Variants in ACTB observed in about 807,000 individuals in gnomAD.
The protein encoded by ACTB is actin, cytoplasmic 1.
Under a neutral mutation model 30.5 loss-of-function variants are expected in ACTB, and 2 were observed. That is an observed-to-expected ratio of 0.07 (90% CI 0.03 to 0.21). The LOEUF (loss-of-function observed/expected upper bound fraction) is 0.21. Ranked by LOEUF, ACTB falls within the 10% of genes least tolerant of loss-of-function variation. ACTB has a pLI of 1.00. For missense variants in ACTB, 56 were observed against 530.0 expected, an observed-to-expected ratio of 0.11 and a Z score of 8.78; for synonymous variants, 335 against 217.6, an observed-to-expected ratio of 1.54 and a Z score of -4.75.
chr7:5,530,168 C>T (rs1784860336), intron 1 of ACTB, among the ~76,000 whole-genome samples: 1 of 152,052 alleles, frequency 6.6e-6, no homozygotes, highest in Non-Finnish European at 1.5e-5. Context: ...GACCAGCGCG[C>T]ACGCGCAATG....
intron 1 of ACTB, 174 bp from the exon 2 acceptor site, chr7:5,529,837 C>G (rs1784848089): frequency 8.1e-6 from 9 of 1,108,716 alleles, no homozygotes; most frequent in African/African-American, 1.6e-5. Context: ...GGAGGCGTCC[C>G]CGCGGCGCGC....
At position 5,528,471 on chromosome 7, in the gene ACTB, G is replaced by C. The variant is rs748912095; in HGVS notation, c.612C>G (p.Ala204=). 2.5e-6 allele frequency: 4 copies of C among 1,614,086 alleles called. No individual in the cohort carries two copies. Among genetic ancestry groups the C allele is most frequent in the Non-Finnish European group, 3.4e-6 (4 of 1,180,050 alleles). Reference sequence around the variant, plus strand: ...TAATGTCACGCACGATTTCCCGCTCGGCCGTGGTGGTGAAGCTGTAGCCGC... The same window carrying C: ...TAATGTCACGCACGATTTCCCGCTCCGCCGTGGTGGTGAAGCTGTAGCCGC... ...TERGYSFTTT[A]EREIVRDIKE... The change falls in exon 4 of 6, where the codon GCC becomes GCG. Residue 204 remains alanine, a synonymous_variant. Coordinates refer to ENST00000646664, the MANE Select transcript of ACTB (RefSeq NM_001101.5).
rs1784813587 is a variant in ACTB at position 5,528,519 on chromosome 7, G to A, written c.564C>T (p.Tyr188=). Reference sequence around the variant, plus strand: ...CGCGCTCGGTGAGGATCTTCATGAGGTAGTCAGTCAGGTCCCGGCCAGCCA... The same window carrying A: ...CGCGCTCGGTGAGGATCTTCATGAGATAGTCAGTCAGGTCCCGGCCAGCCA... The part of the protein sequence containing the change: ...LDLAGRDLTD[Y]LMKILTERGY... Residue 188 remains tyrosine, a synonymous_variant, in exon 4 of 6, where the codon TAC becomes TAT. Coordinates refer to ENST00000646664, the MANE Select transcript of ACTB (RefSeq NM_001101.5). 1.2e-6 allele frequency: 2 copies of A among 1,613,964 alleles called. No homozygotes were observed. The highest frequency in any genetic ancestry group is 1.7e-6 in the Non-Finnish European group (2 of 1,180,054).
In ACTB at chr7:5,527,884, G is replaced by C; in HGVS notation, c.992C>G (p.Ala331Gly). Residue 331 changes from alanine to glycine, a missense_variant, in exon 6 of 6, where the codon GCT becomes GGT. Around this residue, in one of 5 missense-constraint regions of ACTB, gnomAD observed 10 missense variants for 17.6 expected, o/e 0.57. Coordinates refer to ENST00000646664, the MANE Select transcript of ACTB (RefSeq NM_001101.5). Reference protein sequence around the residue: ...APSTMKIKIIAPPERKYSVWI... With the variant: ...APSTMKIKIIGPPERKYSVWI... Reference sequence around the variant, plus strand: ...CACGGAGTACTTGCGCTCAGGAGGAGCAATGATCTGAGGAGGGAAGGGGAC... The same window carrying C: ...CACGGAGTACTTGCGCTCAGGAGGACCAATGATCTGAGGAGGGAAGGGGAC... 1 of 1,614,026 alleles carries C rather than the reference G, an allele frequency of 6.2e-7. No individual in the cohort carries two copies. Among genetic ancestry groups the C allele is most frequent in the Non-Finnish European group, 8.5e-7 (1 of 1,179,946 alleles).
chr7:5,529,455 A>G, intron 2 of ACTB, 55 bp from the exon 3 acceptor site: 2 of 1,613,368 alleles, frequency 1.2e-6, no homozygotes, highest in South Asian at 1.1e-5. Flanking sequence ...CACCCCGGAA[A>G]CCGGGAGGCT....
chr7:5,527,942 C>A (rs768587113), intron 5 of ACTB, 51 bp from the exon 6 acceptor site: 1 of 1,613,054 alleles, frequency 6.2e-7, no homozygotes, highest in Non-Finnish European at 8.5e-7. Flanking sequence ...GACAGCTCCC[C>A]ACACACCACA....
At position 5,527,656 on chromosome 7, in the gene ACTB, A is replaced by G; in HGVS notation, c.*92T>C. On this transcript the variant is annotated 3_prime_UTR_variant, in exon 6 of 6. Transcript: ENST00000646664. ...AAAAAAAAACCAAAACAAAACAAAA[A>G]AAACAAATAAAGCCATGCCAATCTC... 26 of 1,578,878 alleles carry G rather than the reference A, an allele frequency of 1.6e-5. No homozygotes were observed. The highest frequency in any genetic ancestry group is 2.2e-5 in the Non-Finnish European group (26 of 1,162,672).
In ACTB at chr7:5,528,627, C is replaced by G; in HGVS notation, c.456G>C (p.Val152=). The G allele has an allele frequency of 6.2e-7, 1 of 1,614,018 alleles. No individual in the cohort carries two copies. The highest frequency in any genetic ancestry group is 8.5e-7 in the Non-Finnish European group (1 of 1,180,036). Residue 152 remains valine (V), a synonymous_variant, in exon 4 of 6, where the codon GTG becomes GTC. Transcript: ENST00000646664. ...GGGTGACCCCGTCACCGGAGTCCAT[C>G]ACGATGCCAGTGGTACGGCCAGAGG... ...LYASGRTTGI[V]MDSGDGVTHT... is the part of the protein sequence containing the mutation.
rs1784814529 is a variant in ACTB at position 5,528,577 on chromosome 7, T to A, written c.506A>T (p.Tyr169Phe). 1 of 1,613,872 alleles carries A rather than the reference T, an allele frequency of 6.2e-7. No homozygotes were observed. The highest frequency in any genetic ancestry group is 1.7e-5 in the Admixed American group (1 of 59,990). Residue 169 changes from tyrosine (Y) to phenylalanine (F), a missense_variant, in exon 4 of 6, where the codon TAT becomes TTT. Physicochemically the swap from Tyr to Phe is conservative, Grantham distance 22. Around this residue, in one of 5 missense-constraint regions of ACTB, gnomAD observed 32 missense variants for 288.4 expected, o/e 0.11. Coordinates refer to ENST00000646664, the MANE Select transcript of ACTB (RefSeq NM_001101.5). ...ACGCAGGATGGCATGGGGGAGGGCA[T>A]ACCCCTCGTAGATGGGCACAGTGTG... ...VTHTVPIYEG[Y>F]ALPHAILRLD...
chr7:5,528,255 AGAGCCGG>A lies in ACTB; in HGVS notation c.802+19_802+25del, dbSNP rs1429677207. ...CCGAGGGGTAACCCTCATGTCAGGC[AGAGCCGG>A]GAGACAGTCTCCACTCACCCAGGAA... On this transcript the variant is annotated intron_variant, in intron 4 of 5. Transcript: ENST00000646664. The A allele has an allele frequency of 4.3e-6, 7 of 1,613,742 alleles. No homozygotes were observed. Among genetic ancestry groups the A allele is most frequent in the Non-Finnish European group, 5.1e-6 (6 of 1,179,632 alleles).
At chr7:5,530,203 G>A (rs1242457696) in intron 1 of ACTB, among the ~76,000 whole-genome samples, 1 of 151,970 alleles carries the variant, frequency 6.6e-6, no homozygotes, top group Non-Finnish European at 1.5e-5. Flanking sequence ...ACCGGGCCTG[G>A]CGGGGGCTCC....
At chr7:5,529,126 G>C (rs747131945) in intron 3 of ACTB, 35 bp downstream of exon 3, 2 of 1,613,762 alleles carry the variant, frequency 1.2e-6, no homozygotes, top group South Asian at 2.2e-5. Context: ...AGGAAGGAGG[G>C]AGGCGGCCAC....
intron 3 of ACTB, 188 bp from the exon 4 acceptor site, chr7:5,528,907 G>A (rs1270515237): frequency 6.2e-6 from 9 of 1,445,262 alleles, no homozygotes; most frequent in Non-Finnish European, 7.6e-6. Flanking sequence ...CAGCCTCATG[G>A]CCTTGTCACA....
chr7:5,529,915 C>G, intron 1 of ACTB: 1 of 455,128 alleles, frequency 2.2e-6, no homozygotes, highest in Non-Finnish European at 3.8e-6. Context: ...GTTCAAACAG[C>G]GCCGGGTCGG....
At chr7:5,529,694 G>C (rs751381693) in intron 1 of ACTB, 31 bp from the exon 2 acceptor site, 1 of 1,610,894 alleles carries the variant, frequency 6.2e-7, no homozygotes, top group Non-Finnish European at 8.5e-7. Context: ...GCTGTGAGCC[G>C]AGGTCGCCCC....
intron 1 of ACTB, 89 bp from the exon 2 acceptor site, chr7:5,529,752 G>A (rs968771067): frequency 5.7e-6 from 9 of 1,584,192 alleles, no homozygotes; most frequent in Non-Finnish European, 7.7e-6. Flanking sequence ...GCCAGGGGGC[G>A]CCGGCGCGCG....
chr7:5,530,144 G>C (rs978682713), intron 1 of ACTB, among the ~76,000 whole-genome samples: 7 of 152,068 alleles, frequency 4.6e-5, no homozygotes, highest in East Asian at 1.9e-4. Context: ...CGCGCACGCA[G>C]TTAGCGCCCA....
At chr7:5,528,959 C>T (rs1364891795) in intron 3 of ACTB, 15 of 1,548,316 alleles carry the variant, frequency 9.7e-6, no homozygotes, top group African/African-American at 1.4e-5. Context: ...CTGTCTTAGA[C>T]ACCTAGTCAG....
chr7:5,529,963 G>A (rs1784852652), intron 1 of ACTB: 1 of 249,312 alleles, frequency 4.0e-6, no homozygotes, highest in South Asian at 5.4e-5. Context: ...CGGGCGGCCA[G>A]CGGCTCGGGC....
Sources: allele counts gnomAD v4.1 joint callset (sites outside exome capture counted in the v4.1 genomes callset), GRCh38; gene constraint gnomAD v4.1.1; regional missense constraint gnomAD v4.1.1; transcripts MANE v1.5; gene names NCBI Gene and HGNC (gene_info 2026-07-23, HGNC 2026-07-21).